The following ATXN2 variants were observed in gnomAD, a reference collection of about 807,000 sequenced individuals.
The protein encoded by ATXN2 is ataxin 2.
A neutral mutation model predicts 138.6 loss-of-function variants in ATXN2; 37 were observed. The ratio of observed to expected loss-of-function variants is 0.27; its 90% CI spans 0.21 to 0.35. ATXN2 has a LOEUF of 0.35. ATXN2 is among the 10% of genes least tolerant of loss of function. ATXN2 has a pLI of 1.00. For missense variants in ATXN2, 1,216 were observed against 1,480.3 expected (o/e 0.82, Z 2.93); for synonymous variants, 549 against 543.7 (o/e 1.01, Z -0.13).
chr12:111,554,251 A>T, intron 2 of ATXN2, 34 bp from the exon 3 acceptor site: 1 of 1,298,082 alleles, frequency 7.7e-7, no homozygotes, highest in Non-Finnish European at 1.0e-6. Flanking sequence ...ACTATTAGAA[A>T]TTAGTACAAA....
rs1885036542 is a variant in ATXN2 at position 111,598,212 on chromosome 12, C to T, written c.251+572G>A. 9.6e-7 allele frequency: 1 copy of T among 1,044,622 alleles called. No individual in the cohort carries two copies. The highest frequency in any genetic ancestry group is 3.2e-5 in the South Asian group (1 of 30,982). The allele number at this position is 1,044,622 out of a possible 1,614,324, so 64.7% of individuals were successfully genotyped here. ...CCGTCCTCCGATCTTTCCCAGGACT[C>T]GGAGGGGGCGGGGAGAGAGCCCCGA... On this transcript the variant is annotated intron_variant, in intron 1 of 24. Coordinates refer to ENST00000673436, the MANE Select transcript of ATXN2 (RefSeq NM_001372574.1). This position sits in a 1 kb window ranked among gnomAD's most constrained non-coding sequence, Gnocchi z 4.5.
At chr12:111,548,443 CAG>C (rs149218864) in intron 5 of ATXN2, among the ~76,000 whole-genome samples, 1,984 of 152,268 alleles carry the variant, frequency 0.013, 50 homozygotes, top group African/African-American at 0.045. Flanking sequence ...TCTGTTAGCA[CAG>C]AGTCTGGCAC....
At chr12:111,473,050 A>T (rs1876525111) in intron 18 of ATXN2, among the ~76,000 whole-genome samples, 1 of 152,064 alleles carries the variant, frequency 6.6e-6, no homozygotes, top group South Asian at 2.1e-4. Flanking sequence ...ACACAGGCAG[A>T]CTGCTTGAGC....
rs970509002 is a variant in ATXN2 at position 111,509,539 on chromosome 12, C to T, written c.1935+10G>A. Reference sequence around the variant, plus strand: ...TAAAACTCAAATTCATCAGTTAGTACAATACTTACCCTAAAATCATTCTTA... The same window carrying T: ...TAAAACTCAAATTCATCAGTTAGTATAATACTTACCCTAAAATCATTCTTA... On this transcript the variant is annotated intron_variant, in intron 14 of 24. Transcript: ENST00000673436. 1 of 1,377,796 alleles carries T rather than the reference C, an allele frequency of 7.3e-7. No individual in the cohort carries two copies. The highest frequency in any genetic ancestry group is 1.0e-6 in the Non-Finnish European group (1 of 991,174). The allele number at this position is 1,377,796 out of a possible 1,614,324, so 85.3% of individuals were successfully genotyped here.
Position 111,516,487 on chromosome 12 carries a change from A to G in ATXN2, c.1166-124T>C. ...TTGTACATTTTAACCCTTTGAGGACAGTCATTTGATTTGTGATAAGTTTTA... is the reference window on the plus strand; with the variant it reads ...TTGTACATTTTAACCCTTTGAGGACGGTCATTTGATTTGTGATAAGTTTTA... On this transcript the variant is annotated intron_variant, in intron 9 of 24. Coordinates refer to ENST00000673436, the MANE Select transcript of ATXN2 (RefSeq NM_001372574.1). This position sits in a 1 kb window ranked among gnomAD's most constrained non-coding sequence, Gnocchi z 5.0. The G allele has an allele frequency of 1.1e-6, 1 of 916,402 alleles. No individual in the cohort carries two copies. The highest frequency in any genetic ancestry group is 1.6e-6 in the Non-Finnish European group (1 of 617,008). The allele number at this position is 916,402 out of a possible 1,614,324, so 56.8% of individuals were successfully genotyped here.
intron 1 of ATXN2, among the ~76,000 whole-genome samples, chr12:111,595,590 T>C (rs930653057): frequency 3.6e-4 from 54 of 148,842 alleles, no homozygotes; most frequent in African/African-American, 1.3e-3. Context: ...TGCAGTGAGC[T>C]GAGATCGTAC....
At chr12:111,530,195 C>T (rs908731873) in intron 5 of ATXN2, among the ~76,000 whole-genome samples, 2 of 152,182 alleles carry the variant, frequency 1.3e-5, no homozygotes, top group African/African-American at 4.8e-5. Context: ...ATTTTTAGCA[C>T]TTACTGAGTA....
chr12:111,597,424 A>T (rs1884992276), intron 1 of ATXN2, among the ~76,000 whole-genome samples: 1 of 152,236 alleles, frequency 6.6e-6, no homozygotes, highest in South Asian at 2.1e-4. Flanking sequence ...AGGCCTAAAG[A>T]AGGCACAGTA....
chr12:111,500,969 A>G (rs1165678942), intron 14 of ATXN2, among the ~76,000 whole-genome samples: 2 of 152,248 alleles, frequency 1.3e-5, no homozygotes, highest in African/African-American at 4.8e-5. Context: ...TACAGTCAGC[A>G]TTAATTTGTT....
At chr12:111,561,317 A>G (rs2135798124) in intron 1 of ATXN2, among the ~76,000 whole-genome samples, 1 of 148,354 alleles carries the variant, frequency 6.7e-6, no homozygotes, top group East Asian at 2.0e-4. Flanking sequence ...ACATGCTCAA[A>G]CTCCATCACT....
chr12:111,592,220 T>C (rs1371735004), intron 1 of ATXN2, among the ~76,000 whole-genome samples: 1 of 151,604 alleles, frequency 6.6e-6, no homozygotes. Context: ...TGAAACTCCA[T>C]ATCTACTAAA....
At chr12:111,579,582 C>T (rs1393804876) in intron 1 of ATXN2, among the ~76,000 whole-genome samples, 1 of 151,440 alleles carries the variant, frequency 6.6e-6, no homozygotes, top group Non-Finnish European at 1.5e-5. Flanking sequence ...TTTTTAATAG[C>T]CAAAACCTGC....
At chr12:111,572,769 A>G (rs557344968) in intron 1 of ATXN2, among the ~76,000 whole-genome samples, 1 of 152,266 alleles carries the variant, frequency 6.6e-6, no homozygotes, top group East Asian at 1.9e-4. Flanking sequence ...AGTCTTGTTC[A>G]GTGTCCTTCT....
intron 5 of ATXN2, among the ~76,000 whole-genome samples, chr12:111,531,794 G>A (rs1420731273): frequency 6.6e-6 from 1 of 152,174 alleles, no homozygotes; most frequent in Non-Finnish European, 1.5e-5. Flanking sequence ...GGAGCCTCTA[G>A]ATTAGGGATT....
intron 1 of ATXN2, among the ~76,000 whole-genome samples, chr12:111,578,020 AC>A (rs60506035): frequency 0.79 from 120,431 of 151,666 alleles, 47,953 homozygotes; most frequent in Admixed American, 0.82. Flanking sequence ...ACATGGTGAA[AC>A]CCCCGTCTCT....
Position 111,585,870 on chromosome 12 carries a change from TTTTTAGTAGTTCCCA to T in ATXN2, c.251+12899_251+12913del, listed in dbSNP as rs978470997. 1.3e-4 allele frequency among the ~76,000 whole-genome samples: 20 copies of T among 151,622 alleles called. No individual in the cohort carries two copies. The East Asian group carries it at 3.3e-3, about 25-fold the overall frequency. Reference sequence around the variant, plus strand: ...ATACTTGTTGAGCTCTTGTGTCTGTTTTTTAGTAGTTCCCATTTTAGTAGTTCCCAGGCTCTTTGC... The same window carrying T: ...ATACTTGTTGAGCTCTTGTGTCTGTTTTTTAGTAGTTCCCAGGCTCTTTGC... On this transcript the variant is annotated intron_variant, in intron 1 of 24. Coordinates refer to ENST00000673436, the MANE Select transcript of ATXN2 (RefSeq NM_001372574.1).
chr12:111,561,092 G>A (rs192918868), intron 1 of ATXN2, among the ~76,000 whole-genome samples: 1 of 152,090 alleles, frequency 6.6e-6, no homozygotes, highest in African/African-American at 2.4e-5. Context: ...GGCTAAGGCA[G>A]GACAATGGTG....
At chr12:111,510,695 T>C in intron 11 of ATXN2, 113 bp from the exon 12 acceptor site, 1 of 966,616 alleles carries the variant, frequency 1.0e-6, no homozygotes. Context: ...TCTCTAGCCC[T>C]TACCCTTTAT....
At chr12:111,557,399 T>C (rs371863677) in intron 1 of ATXN2, among the ~76,000 whole-genome samples, 2 of 152,232 alleles carry the variant, frequency 1.3e-5, no homozygotes, top group South Asian at 2.1e-4. Context: ...CTAGGATTCC[T>C]TTCATTTCTA....
Sources: allele counts gnomAD v4.1 joint callset (sites outside exome capture counted in the v4.1 genomes callset), GRCh38; gene constraint gnomAD v4.1.1; non-coding constraint Gnocchi (gnomAD v3.1); transcripts MANE v1.5; gene names NCBI Gene and HGNC (gene_info 2026-07-23, HGNC 2026-07-21).